The following PTPRD variants were observed in gnomAD, a reference collection of about 807,000 sequenced individuals.
PTPRD encodes receptor-type tyrosine-protein phosphatase delta.
In PTPRD, 34 loss-of-function variants were observed where a neutral mutation model predicts 214.5. The ratio of observed to expected loss-of-function variants is 0.16; its 90% CI spans 0.12 to 0.21. The LOEUF is 0.21. PTPRD is among the 10% of genes least tolerant of loss of function. The probability of loss-of-function intolerance (pLI) is 1.00; values close to 1 mark genes in which losing one functional copy is unlikely to be tolerated. For synonymous variants in PTPRD, 1,128 were observed against 845.7 expected (o/e 1.33, Z -5.79); for missense variants, 2,545 against 2,398.7 (o/e 1.06, Z -1.27).
At chr9:9,885,871 C>A (rs568391359) in intron 5 of PTPRD, among the ~76,000 whole-genome samples, 3 of 151,170 alleles carry the variant, frequency 2.0e-5, no homozygotes, top group South Asian at 2.1e-4. Flanking sequence ...AAAAAAAAAA[C>A]CATGGCCAAA....
At chr9:10,224,937 C>A (rs773962148) in intron 3 of PTPRD, among the ~76,000 whole-genome samples, 3 of 152,012 alleles carry the variant, frequency 2.0e-5, no homozygotes, top group Non-Finnish European at 4.4e-5. Context: ...AAATTACATA[C>A]AACATATGTG....
chr9:10,573,777 G>T (rs928524729), intron 2 of PTPRD, among the ~76,000 whole-genome samples: 1 of 152,080 alleles, frequency 6.6e-6, no homozygotes, highest in Admixed American at 6.6e-5. Context: ...GGAAGTTGAA[G>T]GAGTAGGAAA....
chr9:10,267,429 C>T (rs1420023449), intron 3 of PTPRD, among the ~76,000 whole-genome samples: 4 of 151,880 alleles, frequency 2.6e-5, no homozygotes, highest in Admixed American at 2.0e-4. Flanking sequence ...TTATTAGAGT[C>T]GTGGTTTATG....
chr9:9,965,706 G>T (rs1412395130), intron 4 of PTPRD, among the ~76,000 whole-genome samples: 1 of 152,164 alleles, frequency 6.6e-6, no homozygotes, highest in Non-Finnish European at 1.5e-5. Flanking sequence ...AATTTTGGCT[G>T]TAAGTGTTGG....
In PTPRD at chr9:9,227,780, T is replaced by C. The variant is rs565647482; in HGVS notation, c.-202-44417A>G. On this transcript the variant is annotated intron_variant, in intron 9 of 45. Coordinates refer to ENST00000381196, the MANE Select transcript of PTPRD (RefSeq NM_002839.4). ...CGGACACATCCTGCCCATAGCCATG[T>C]GAATGAGCCATCTTGGAAATGGATC... Among the ~76,000 whole-genome samples the C allele has an allele frequency of 3.3e-5, 5 of 152,206 alleles. No individual in the cohort carries two copies. The East Asian group carries it at 9.7e-4, about 30-fold the overall frequency.
At chr9:10,558,088 T>C (rs1470789088) in intron 2 of PTPRD, among the ~76,000 whole-genome samples, 1 of 152,146 alleles carries the variant, frequency 6.6e-6, no homozygotes, top group East Asian at 1.9e-4. Flanking sequence ...TCCTTGCTAC[T>C]GAAATGCACA....
chr9:9,746,815 GTTT>G (rs35142513), intron 6 of PTPRD, among the ~76,000 whole-genome samples: 52 of 125,204 alleles, frequency 4.2e-4, no homozygotes, highest in Middle Eastern at 4.2e-3. Context: ...TGCTTGAAAA[GTTT>G]TTTTTTTTTT....
At chr9:8,336,211 C>T (rs1034055165) in intron 43 of PTPRD, among the ~76,000 whole-genome samples, 2 of 148,736 alleles carry the variant, frequency 1.3e-5, no homozygotes, top group Middle Eastern at 3.4e-3. Flanking sequence ...TCAAACAAGG[C>T]TACAGTAACC....
chr9:9,784,284 G>A (rs985741550), intron 5 of PTPRD, among the ~76,000 whole-genome samples: 2 of 151,822 alleles, frequency 1.3e-5, no homozygotes, highest in East Asian at 3.9e-4. Context: ...ATAAATCAGA[G>A]AAATACTTGG....
rs1055321213 is a variant in PTPRD, at chr9:9,145,380, GA to G, written c.-143+37923del. On this transcript the variant is annotated intron_variant, in intron 10 of 45. Coordinates refer to ENST00000381196, the MANE Select transcript of PTPRD (RefSeq NM_002839.4). ...TTGCTTATAATTATTCTCCTTAGGG[GA>G]AAAAAAGAAAAGTATATTGTATATC... 4.0e-5 allele frequency among the ~76,000 whole-genome samples: 6 copies of G among 151,896 alleles called. No individual in the cohort carries two copies. In the East Asian group the frequency reaches 1.2e-3, roughly 29 times the overall value.
At chr9:8,818,121 C>G (rs2096959934) in intron 11 of PTPRD, among the ~76,000 whole-genome samples, 1 of 152,100 alleles carries the variant, frequency 6.6e-6, no homozygotes, top group African/African-American at 2.4e-5. Flanking sequence ...CTGTATAAAT[C>G]AAGATTATCC....
chr9:9,912,599 G>C (rs781559091), intron 5 of PTPRD, among the ~76,000 whole-genome samples: 1 of 152,152 alleles, frequency 6.6e-6, no homozygotes, highest in Non-Finnish European at 1.5e-5. Flanking sequence ...AAATGGTATC[G>C]TTGGCAATCA....
chr9:8,980,821 C>G (rs1433537), intron 11 of PTPRD, among the ~76,000 whole-genome samples: 149,384 of 152,222 alleles, frequency 0.98, 73,366 homozygotes, highest in Middle Eastern at 1. Context: ...TTACGGTGTA[C>G]ATTTATGAAT....
intron 11 of PTPRD, among the ~76,000 whole-genome samples, chr9:8,809,472 A>G (rs375885509): frequency 8.5e-5 from 13 of 152,146 alleles, no homozygotes; most frequent in African/African-American, 2.9e-4. Context: ...TCCATTTTCC[A>G]TATTCCAAAG....
intron 3 of PTPRD, among the ~76,000 whole-genome samples, chr9:10,317,774 A>C (rs944850627): frequency 6.6e-6 from 1 of 152,026 alleles, no homozygotes; most frequent in African/African-American, 2.4e-5. Context: ...TTTGGCCCCA[A>C]TGTGGTCTAT....
intron 14 of PTPRD, among the ~76,000 whole-genome samples, chr9:8,626,638 A>G (rs543335514): frequency 6.6e-6 from 1 of 151,906 alleles, no homozygotes; most frequent in African/African-American, 2.4e-5. Context: ...CCCTTATCCA[A>G]TCAGGTAAAA....
chr9:9,637,339 G>T (rs1185062913), intron 7 of PTPRD, among the ~76,000 whole-genome samples: 1 of 152,160 alleles, frequency 6.6e-6, no homozygotes, highest in African/African-American at 2.4e-5. Context: ...TTGCTCTCCA[G>T]CTGTGAGGCT....
At chr9:9,497,109 C>T (rs1170281452) in intron 8 of PTPRD, among the ~76,000 whole-genome samples, 1 of 152,064 alleles carries the variant, frequency 6.6e-6, no homozygotes, top group South Asian at 2.1e-4. Context: ...AATGGGGAAT[C>T]CTTGTTCAAT....
intron 5 of PTPRD, among the ~76,000 whole-genome samples, chr9:9,806,370 T>G (rs564487864): frequency 7.2e-5 from 11 of 152,196 alleles, no homozygotes; most frequent in Admixed American, 7.2e-4. Flanking sequence ...CAAGCCATTA[T>G]GACATTCCCC....
Sources: gnomAD v4.1 joint callset for allele counts (sites outside exome capture counted in the v4.1 genomes callset) on GRCh38, gnomAD v4.1.1 for gene constraint, MANE v1.5 for transcripts, NCBI Gene and HGNC (gene_info 2026-07-23, HGNC 2026-07-21) for gene names.